The following COQ4 variants were observed in gnomAD, a reference collection of about 807,000 sequenced individuals.
COQ4 encodes coenzyme Q4, also known as ubiquinone biosynthesis protein COQ4 homolog, mitochondrial.
Under a neutral mutation model 30.2 loss-of-function variants are expected in COQ4, and 36 were observed. The observed-to-expected ratio is 1.19, with a 90% CI of 0.91 to 1.57. The LOEUF (loss-of-function observed/expected upper bound fraction) is 1.57. Ranked by LOEUF, COQ4 falls within the 40% of genes most tolerant of loss-of-function variation. COQ4 has a pLI of 0.00. For missense variants in COQ4, 369 were observed against 371.9 expected (o/e 0.99, Z 0.07); for synonymous variants, 197 against 161.0 (o/e 1.22, Z -1.69).
chr9:128,333,765 T>C lies in COQ4; in HGVS notation c.*120T>C. The C allele has an allele frequency of 1.1e-6, 1 of 933,588 alleles. No homozygotes were observed. Among genetic ancestry groups the C allele is most frequent in the Non-Finnish European group, 1.5e-6 (1 of 667,596 alleles). 57.8% of individuals were successfully genotyped at this position (933,588 alleles called of 1,614,324 possible). Reference sequence around the variant, plus strand: ...AACACTGACCCTTGGACAACATTTATCATAATTTGTCATAACCACTGCTGA... The same window carrying C: ...AACACTGACCCTTGGACAACATTTACCATAATTTGTCATAACCACTGCTGA... On this transcript the variant is annotated 3_prime_UTR_variant, in exon 7 of 7. Transcript: ENST00000300452.
intron 5 of COQ4, 166 bp from the exon 6 acceptor site, chr9:128,332,684 C>G (rs1832434449): frequency 1.5e-6 from 1 of 658,006 alleles, no homozygotes; most frequent in Non-Finnish European, 2.7e-6. Context: ...GGGCTCTCTC[C>G]TGTACTCCAA....
chr9:128,331,516 C>T (rs1564393302), intron 4 of COQ4: 1 of 152,022 alleles, frequency 6.6e-6, no homozygotes, highest in Non-Finnish European at 1.5e-5. Flanking sequence ...GAGAGAACAC[C>T]CCAAGCTGGG....
chr9:128,324,139 T>C (rs1412788911), intron 2 of COQ4, among the ~76,000 whole-genome samples: 1 of 152,150 alleles, frequency 6.6e-6, no homozygotes, highest in East Asian at 1.9e-4. Flanking sequence ...CTGTGCGGCC[T>C]GGCTAATTGT....
In COQ4 at chr9:128,325,869, C is replaced by T; in HGVS notation, c.390C>T (p.Phe130=). The change falls in exon 4 of 7, where the codon TTC becomes TTT. Residue 130 remains phenylalanine, a synonymous_variant. Coordinates refer to ENST00000300452, the MANE Select transcript of COQ4 (RefSeq NM_016035.5). ...CCCTCGGTCGCGAGTATCTCCGTTT[C>T]CTGGATGTGAACGTGAGTTTTCAGC... ...EGSLGREYLR[F]LDVNRVSPDT... is the part of the protein sequence containing the mutation. The T allele has an allele frequency of 6.2e-7, 1 of 1,614,134 alleles. No homozygotes were observed.
At chr9:128,326,914 A>G (rs1328435459) in intron 4 of COQ4, among the ~76,000 whole-genome samples, 3 of 151,780 alleles carry the variant, frequency 2.0e-5, no homozygotes, top group African/African-American at 4.8e-5. Flanking sequence ...ACGCCCAGCT[A>G]ATTTTTGTAC....
chr9:128,324,895 A>G (rs974405913), intron 2 of COQ4, among the ~76,000 whole-genome samples: 3 of 152,234 alleles, frequency 2.0e-5, no homozygotes, highest in African/African-American at 7.2e-5. Flanking sequence ...AAAGTGATTT[A>G]TAAAATCTTT....
intron 4 of COQ4, chr9:128,331,812 C>T (rs750244074): frequency 3.4e-4 from 57 of 170,128 alleles, no homozygotes; most frequent in African/African-American, 4.1e-4. Context: ...ACTGCAACCT[C>T]CGCCTCCTGG....
chr9:128,324,921 C>T (rs986568795), intron 2 of COQ4, among the ~76,000 whole-genome samples: 12 of 152,334 alleles, frequency 7.9e-5, no homozygotes, highest in African/African-American at 2.4e-4. Flanking sequence ...GTTGTGCTAA[C>T]TAGAGCTGTC....
intron 4 of COQ4, chr9:128,326,366 C>T (rs1014596219): frequency 6.0e-6 from 1 of 165,664 alleles, no homozygotes; most frequent in African/African-American, 2.4e-5. Flanking sequence ...CCCCTCCAGC[C>T]CCAGGCAGGG....
rs1025159224 is a variant in COQ4, at chr9:128,325,827, G to C, written c.348G>C (p.Gln116His). 1.2e-6 allele frequency: 2 copies of C among 1,614,202 alleles called. No individual in the cohort carries two copies. The highest frequency in any genetic ancestry group is 3.3e-5 in the Admixed American group (2 of 60,024). Reference protein sequence around the residue: ...STSTLDLGKLQSLPEGSLGRE... With the variant: ...STSTLDLGKLHSLPEGSLGRE... ...CCACCCTCGACCTGGGCAAGCTCCA[G>C]AGCCTGCCGGAAGGCTCCCTCGGTC... Residue 116 changes from glutamine to histidine, a missense_variant, in exon 4 of 7, where the codon CAG becomes CAC. Coordinates refer to ENST00000300452, the MANE Select transcript of COQ4 (RefSeq NM_016035.5).
At chr9:128,323,551 G>A (rs1041987976) in intron 2 of COQ4, 10 of 408,098 alleles carry the variant, frequency 2.5e-5, no homozygotes, top group Non-Finnish European at 2.1e-5. Flanking sequence ...CATAGTAAAT[G>A]CTCAATAAAT....
At chr9:128,329,241 T>C (rs921937678) in intron 4 of COQ4, among the ~76,000 whole-genome samples, 3 of 152,180 alleles carry the variant, frequency 2.0e-5, no homozygotes, top group African/African-American at 7.2e-5. Flanking sequence ...AGGGCACTTA[T>C]CGGCCTTGGT....
Position 128,332,930 on chromosome 9 carries a change from C to A in COQ4, c.613C>A (p.Arg205=), listed in dbSNP as rs776074348. 1.9e-6 allele frequency: 3 copies of A among 1,613,836 alleles called. No homozygotes were observed. Among genetic ancestry groups the A allele is most frequent in the Non-Finnish European group, 8.5e-7 (1 of 1,179,740 alleles). The change falls in exon 6 of 7, where the codon CGA becomes AGA. Residue 205 remains arginine (R), a synonymous_variant. Transcript: ENST00000300452. ...CILGAFFGPI[R]LGAQSLQVLV... ...CCTGGGTGCATTCTTTGGACCGATC[C>A]GACTTGGCGCTCAGTAAGTTTTCAA...
Position 128,323,877 on chromosome 9 carries a change from C to G in COQ4, c.202+730C>G, listed in dbSNP as rs547662949. Among the ~76,000 whole-genome samples the G allele has an allele frequency of 2.6e-5, 4 of 152,286 alleles. No individual in the cohort carries two copies. In the South Asian group the frequency reaches 8.3e-4, roughly 32 times the overall value. ...GAAGGACCATTTGAGCCGGGGAGTT[C>G]GAGACTGCAGTAAGTTGTGATTGCG... On this transcript the variant is annotated intron_variant, in intron 2 of 6. Transcript: ENST00000300452.
At chr9:128,329,595 C>G (rs1020541648) in intron 4 of COQ4, among the ~76,000 whole-genome samples, 1 of 152,174 alleles carries the variant, frequency 6.6e-6, no homozygotes, top group Non-Finnish European at 1.5e-5. Context: ...GTCTCAAACT[C>G]CTGACCTCAA....
At position 128,323,898 on chromosome 9, in the gene COQ4, T is replaced by G. The variant is rs944861314; in HGVS notation, c.202+751T>G. ...AGTTCGAGACTGCAGTAAGTTGTGATTGCGCCATTGCACTCCAGCCTGGGC... is the reference window on the plus strand; with the variant it reads ...AGTTCGAGACTGCAGTAAGTTGTGAGTGCGCCATTGCACTCCAGCCTGGGC... On this transcript the variant is annotated intron_variant, in intron 2 of 6. Transcript: ENST00000300452. 7.2e-5 allele frequency among the ~76,000 whole-genome samples: 11 copies of G among 152,312 alleles called. No individual in the cohort carries two copies. In the East Asian group the frequency reaches 2.1e-3, roughly 29 times the overall value.
At chr9:128,330,102 G>A (rs1832380353) in intron 4 of COQ4, among the ~76,000 whole-genome samples, 2 of 152,006 alleles carry the variant, frequency 1.3e-5, no homozygotes, top group Admixed American at 6.6e-5. Flanking sequence ...TGGGCACGGT[G>A]GCTCACAACT....
At chr9:128,323,233 C>G (rs913294156) in intron 2 of COQ4, 86 bp downstream of exon 2, 3 of 1,355,278 alleles carry the variant, frequency 2.2e-6, no homozygotes, top group Non-Finnish European at 2.9e-6. Flanking sequence ...GTCGGGGTAC[C>G]CAAACCTGGT....
Position 128,322,938 on chromosome 9 carries a change from G to C in COQ4, c.70+10G>C, listed in dbSNP as rs766897693. Reference sequence around the variant, plus strand: ...CAGCGGCCTGCGGCAGGCAAGTGGCGCCGGGTTCTGGGCGCAGGCGGGAAG... The same window carrying C: ...CAGCGGCCTGCGGCAGGCAAGTGGCCCCGGGTTCTGGGCGCAGGCGGGAAG... On this transcript the variant is annotated intron_variant, in intron 1 of 6. Transcript: ENST00000300452. 12 of 1,602,356 alleles carry C rather than the reference G, an allele frequency of 7.5e-6. No homozygotes were observed. In the Admixed American group the frequency reaches 2.0e-4, roughly 27 times the overall value.
Sources: gnomAD v4.1 joint callset for allele counts (sites outside exome capture counted in the v4.1 genomes callset) on GRCh38, gnomAD v4.1.1 for gene constraint, MANE v1.5 for transcripts, NCBI Gene and HGNC (gene_info 2026-07-23, HGNC 2026-07-21) for gene names.